Variants in EVC2 observed in about 807,000 individuals in gnomAD.
EVC2 encodes limbin.
EVC2 carries 148 observed loss-of-function variants against 149.3 expected under a neutral mutation model. That is an observed-to-expected ratio of 0.99 (90% CI 0.87 to 1.14). EVC2 has a LOEUF of 1.14. Among genes scored for constraint, EVC2 ranks in the 50% most tolerant of loss-of-function variants. EVC2 has a pLI of 0.00. For missense variants in EVC2, 1,854 were observed against 1,627.3 expected (o/e 1.14, Z -2.40); for synonymous variants, 776 against 649.9 (o/e 1.19, Z -2.95).
intron 4 of EVC2, among the ~76,000 whole-genome samples, chr4:5,690,816 C>T (rs1185555223): frequency 1.3e-5 from 2 of 152,152 alleles, no homozygotes; most frequent in Non-Finnish European, 2.9e-5. Context: ...AGCAGAATGG[C>T]TTTTCTGAGT....
downstream of EVC2, among the ~76,000 whole-genome samples, chr4:5,557,929 A>C (rs1356975019): frequency 6.6e-6 from 1 of 152,152 alleles, no homozygotes; most frequent in Non-Finnish European, 1.5e-5. Context: ...ATGGAGGAGT[A>C]ATATTTCCTA....
Position 5,618,679 on chromosome 4 carries a change from C to G in EVC2, c.2505G>C (p.Lys835Asn). The change falls in exon 15 of 22, where the codon AAG becomes AAC. Residue 835 changes from lysine to asparagine, a missense_variant. Lys to Asn is a moderately conservative substitution (Grantham distance 94). Coordinates refer to ENST00000344408, the MANE Select transcript of EVC2 (RefSeq NM_147127.5). The surrounding 1 kb of genome is among the most constrained non-coding windows in gnomAD (Gnocchi z 4.4). The part of the protein sequence containing the change: ...LRRWEHLIFM[K>N]LCSSVFSLSE... ...ACAGGGAGAAGACTGAGGAGCAGAGCTTCCTGGGAGGAAGAACAGAGACAC... is the reference window on the plus strand; with the variant it reads ...ACAGGGAGAAGACTGAGGAGCAGAGGTTCCTGGGAGGAAGAACAGAGACAC... 1 of 1,593,506 alleles carries G rather than the reference C, an allele frequency of 6.3e-7. No individual in the cohort carries two copies. The highest frequency in any genetic ancestry group is 8.5e-7 in the Non-Finnish European group (1 of 1,169,608).
intron 20 of EVC2, among the ~76,000 whole-genome samples, chr4:5,565,734 G>C (rs1186955154): frequency 6.6e-6 from 1 of 150,940 alleles, no homozygotes; most frequent in Non-Finnish European, 1.5e-5. Flanking sequence ...ATCTCTCAAT[G>C]CCACCTTTGG....
At chr4:5,674,337 T>A (rs1040760438) in intron 7 of EVC2, among the ~76,000 whole-genome samples, 3 of 152,180 alleles carry the variant, frequency 2.0e-5, no homozygotes, top group African/African-American at 7.2e-5. Flanking sequence ...CTGACTGCAA[T>A]GATGTTGAGT....
rs77525849 is a variant in EVC2 at position 5,686,787 on chromosome 4, GA to G, written c.707-1309del. Among the ~76,000 whole-genome samples, 444 of 142,766 alleles carry G rather than the reference GA, an allele frequency of 3.1e-3. 1 individual carries two copies. The highest frequency in any genetic ancestry group is 0.01 in the East Asian group (52 of 4,972). 93.7% of individuals were successfully genotyped at this position (142,766 alleles called of 152,430 possible). ...TATAGTTATCTACTTATGCTTTGGG[GA>G]AAAAAAAAAAAAGTCACCTGTGCCC... On this transcript the variant is annotated intron_variant, in intron 5 of 21. Coordinates refer to ENST00000344408, the MANE Select transcript of EVC2 (RefSeq NM_147127.5). This position sits in a 1 kb window ranked among gnomAD's most constrained non-coding sequence, Gnocchi z 5.4.
intron 9 of EVC2, among the ~76,000 whole-genome samples, chr4:5,645,810 T>C (rs1362051637): frequency 2.6e-5 from 4 of 152,268 alleles, no homozygotes; most frequent in African/African-American, 9.6e-5. Flanking sequence ...ATAGTAGTTC[T>C]GTTTTTAGGT....
Position 5,665,750 on chromosome 4 carries a change from G to A in EVC2, c.871-101C>T, listed in dbSNP as rs1015240896. ...GTCAGAGCAGACCAAGCAGGGACCA[G>A]GGGACTCGCTTGCATTTGAGTCTCG... On this transcript the variant is annotated intron_variant, in intron 7 of 21. Transcript: ENST00000344408. 11 of 1,531,014 alleles carry A rather than the reference G, an allele frequency of 7.2e-6. No individual in the cohort carries two copies. In the African/African-American group the frequency reaches 1.2e-4, roughly 17 times the overall value. The allele number at this position is 1,531,014 out of a possible 1,614,324, so 94.8% of individuals were successfully genotyped here.
intron 16 of EVC2, among the ~76,000 whole-genome samples, chr4:5,588,285 T>TA (rs1324794821): frequency 6.6e-6 from 1 of 152,238 alleles, no homozygotes; most frequent in East Asian, 1.9e-4. Flanking sequence ...GTAGGGTACA[T>TA]AATGTATCTT....
In EVC2 at chr4:5,689,194, C is replaced by G. The variant is rs143697185; in HGVS notation, c.669G>C (p.Ser223=). The G allele has an allele frequency of 6.2e-7, 1 of 1,614,212 alleles. No individual in the cohort carries two copies. Among genetic ancestry groups the G allele is most frequent in the South Asian group, 1.1e-5 (1 of 91,076 alleles). The change falls in exon 5 of 22, where the codon TCG becomes TCC. Residue 223 remains serine (S), a synonymous_variant. Coordinates refer to ENST00000344408, the MANE Select transcript of EVC2 (RefSeq NM_147127.5). ...TIWDSVGNRT[S]EGFQAFSKKF... ...TCTTGCTAAAAGCCTGGAATCCTTC[C>G]GAGGTCCTGTTTCCCACAGAGTCCC...
At chr4:5,699,680 A>C (rs10937663) in intron 1 of EVC2, among the ~76,000 whole-genome samples, 52 of 149,646 alleles carry the variant, frequency 3.5e-4, no homozygotes, top group African/African-American at 1.2e-3. Context: ...AATTAGCCAG[A>C]TGTAGTGGCA....
chr4:5,584,185 C>A (rs1712058201), intron 17 of EVC2, among the ~76,000 whole-genome samples: 1 of 151,978 alleles, frequency 6.6e-6, no homozygotes, highest in Non-Finnish European at 1.5e-5. Context: ...CAGTTATTAC[C>A]ATAGCTTTTG....
In EVC2 at chr4:5,584,647, T is replaced by C; in HGVS notation, c.3033A>G (p.Thr1011=). 1.9e-6 allele frequency: 3 copies of C among 1,613,784 alleles called. No individual in the cohort carries two copies. Among genetic ancestry groups the C allele is most frequent in the Non-Finnish European group, 2.5e-6 (3 of 1,179,892 alleles). The part of the protein sequence containing the change: ...ASEMLTKSAC[T]QILESHSREL... ...CCCGGCTGTGCGACTCCAGGATCTG[T>C]GTGCAGGCCGACTTGGTCAGCATCT... The change falls in exon 17 of 22, where the codon ACA becomes ACG. Residue 1011 remains threonine, a synonymous_variant. Transcript: ENST00000344408.
chr4:5,644,371 C>T (rs1392026403), intron 9 of EVC2, among the ~76,000 whole-genome samples: 2 of 151,164 alleles, frequency 1.3e-5, no homozygotes, highest in African/African-American at 4.9e-5. Flanking sequence ...GTGGTGTGAT[C>T]TCGGCTCACT....
the EVC2 span, among the ~76,000 whole-genome samples, chr4:5,531,833 T>C: frequency 6.6e-6 from 1 of 152,082 alleles, no homozygotes; most frequent in Admixed American, 6.5e-5. Flanking sequence ...AATATAATGG[T>C]TTGAATCATC....
intron 17 of EVC2, among the ~76,000 whole-genome samples, chr4:5,580,114 C>T (rs1172326077): frequency 6.6e-6 from 1 of 150,898 alleles, no homozygotes; most frequent in Non-Finnish European, 1.5e-5. Context: ...TAATTTCTTC[C>T]AAAGCATTCT....
intron 21 of EVC2, 79 bp downstream of exon 21, chr4:5,565,179 C>T: frequency 7.2e-7 from 1 of 1,383,916 alleles, no homozygotes; most frequent in Non-Finnish European, 1.0e-6. Flanking sequence ...TTCCTTGTCA[C>T]CTCCTGCCTC....
intron 21 of EVC2, among the ~76,000 whole-genome samples, chr4:5,564,306 T>C (rs570328594): frequency 3.9e-5 from 6 of 152,360 alleles, no homozygotes; most frequent in African/African-American, 1.2e-4. Flanking sequence ...CCACTCCACT[T>C]CTATTAGTGC....
At chr4:5,538,816 T>G (rs1721463755), downstream of EVC2, among the ~76,000 whole-genome samples, 1 of 152,142 alleles carries the variant, frequency 6.6e-6, no homozygotes, top group African/African-American at 2.4e-5. Context: ...AAAGGGAAAC[T>G]TCCATACAGT....
Position 5,562,785 on chromosome 4 carries a change from C to T in EVC2, c.*63G>A. On this transcript the variant is annotated 3_prime_UTR_variant, in exon 22 of 22. Coordinates refer to ENST00000344408, the MANE Select transcript of EVC2 (RefSeq NM_147127.5). This position sits in a 1 kb window ranked among gnomAD's most constrained non-coding sequence, Gnocchi z 4.3. ...GTTGTGCATTATAAACACACAAACA[C>T]CGGCGGGCAGGAGAAAATCATCCCT... 6.2e-7 allele frequency: 1 copy of T among 1,608,394 alleles called. No homozygotes were observed. The highest frequency in any genetic ancestry group is 2.2e-5 in the East Asian group (1 of 44,882).
Sources: allele counts gnomAD v4.1 joint callset (sites outside exome capture counted in the v4.1 genomes callset), GRCh38; gene constraint gnomAD v4.1.1; non-coding constraint Gnocchi (gnomAD v3.1); transcripts MANE v1.5; gene names NCBI Gene and HGNC (gene_info 2026-07-23, HGNC 2026-07-21).